The following INSL6 variants were observed in gnomAD, a reference collection of about 807,000 sequenced individuals.
The protein encoded by INSL6 is insulin like 6.
A neutral mutation model predicts 9.4 loss-of-function variants in INSL6; 16 were observed. The ratio of observed to expected loss-of-function variants is 1.70; its 90% CI spans 1.15 to 2.59. The LOEUF (loss-of-function observed/expected upper bound fraction) is 2.59. Among genes scored for constraint, INSL6 ranks in the 30% most tolerant of loss-of-function variants. The pLI is 0.00. For synonymous variants in INSL6, 154 were observed against 96.9 expected (o/e 1.59, Z -3.46); for missense variants, 391 against 257.3 (o/e 1.52, Z -3.56).
At chr9:5,135,916 GA>G (rs777722861) in intron 2 of INSL6, among the ~76,000 whole-genome samples, 1 of 151,782 alleles carries the variant, frequency 6.6e-6, no homozygotes, top group Non-Finnish European at 1.5e-5. Context: ...GAATCAAATA[GA>G]CTTAATAAAA....
chr9:5,076,970 C>T, the INSL6 span, among the ~76,000 whole-genome samples: 789 of 151,782 alleles, frequency 5.2e-3, 12 homozygotes, highest in African/African-American at 0.018. Flanking sequence ...GATAAAGCAG[C>T]GCAAAACATT....
the INSL6 span, among the ~76,000 whole-genome samples, chr9:5,090,185 A>C: frequency 6.6e-6 from 1 of 152,214 alleles, no homozygotes. Context: ...GGAGAAAGGA[A>C]GTTTTCTCAT....
At chr9:5,061,245 T>G in the INSL6 span, among the ~76,000 whole-genome samples, 3 of 152,256 alleles carry the variant, frequency 2.0e-5, no homozygotes, top group Non-Finnish European at 2.9e-5. Flanking sequence ...CATAGGCCCT[T>G]AGCAAGAGGG....
At chr9:4,993,286 T>C in the INSL6 span, among the ~76,000 whole-genome samples, 3 of 152,224 alleles carry the variant, frequency 2.0e-5, no homozygotes, top group Non-Finnish European at 2.9e-5. Context: ...GATTTAGATC[T>C]TAAGAAAGGA....
At chr9:5,014,923 T>A in the INSL6 span, among the ~76,000 whole-genome samples, 6 of 152,116 alleles carry the variant, frequency 3.9e-5, no homozygotes, top group East Asian at 5.8e-4. Flanking sequence ...CTTGATTTTT[T>A]ATTTTTTTTT....
the INSL6 span, among the ~76,000 whole-genome samples, chr9:5,083,904 A>G: frequency 2.0e-5 from 3 of 152,122 alleles, no homozygotes; most frequent in Non-Finnish European, 4.4e-5. Context: ...CAATAGTGAA[A>G]CCATTCTATA....
At chr9:5,007,885 G>T in the INSL6 span, among the ~76,000 whole-genome samples, 10 of 151,850 alleles carry the variant, frequency 6.6e-5, no homozygotes, top group Non-Finnish European at 1.0e-4. Context: ...GTGCCACCAC[G>T]CCTGGCTAAT....
At chr9:5,153,141 GTT>G (rs57869658) in intron 2 of INSL6, among the ~76,000 whole-genome samples, 11 of 146,974 alleles carry the variant, frequency 7.5e-5, no homozygotes, top group African/African-American at 2.7e-4. Flanking sequence ...GCTAGCTGCA[GTT>G]TTTTTTTTTT....
At chr9:5,110,818 A>G in the INSL6 span, 6 of 439,678 alleles carry the variant, frequency 1.4e-5, no homozygotes, top group African/African-American at 8.1e-5. Flanking sequence ...GCCCTGCTGC[A>G]TCGCCCGTTT....
the INSL6 span, chr9:5,110,933 T>C: frequency 1.7e-6 from 1 of 579,414 alleles, no homozygotes; most frequent in Non-Finnish European, 3.3e-6. Context: ...CCGCAGAGGA[T>C]GGCATCCGTG....
the INSL6 span, among the ~76,000 whole-genome samples, chr9:5,050,307 C>T: frequency 0.33 from 50,913 of 151,996 alleles, 9,095 homozygotes; most frequent in African/African-American, 0.46. Flanking sequence ...ATTTATTAAT[C>T]ATTTTAGAGA....
the INSL6 span, among the ~76,000 whole-genome samples, chr9:5,103,450 A>G: frequency 0.36 from 54,283 of 151,560 alleles, 10,519 homozygotes; most frequent in African/African-American, 0.53. Context: ...AAAGAGACTT[A>G]GACTCCCACA....
intron 2 of INSL6, among the ~76,000 whole-genome samples, chr9:5,141,874 C>G (rs1824507620): frequency 6.6e-6 from 1 of 152,126 alleles, no homozygotes; most frequent in Non-Finnish European, 1.5e-5. Flanking sequence ...AGTATTTAAT[C>G]CATTTTGTGT....
the INSL6 span, among the ~76,000 whole-genome samples, chr9:5,065,530 C>G: frequency 1.4e-4 from 22 of 152,260 alleles, no homozygotes; most frequent in East Asian, 3.5e-3. Flanking sequence ...AACACAGCAG[C>G]CACTAGCTAC....
At chr9:5,175,681 A>G (rs115964886) in intron 1 of INSL6, among the ~76,000 whole-genome samples, 2,177 of 152,222 alleles carry the variant, frequency 0.014, 43 homozygotes, top group African/African-American at 0.05. Context: ...CTCCTGTCAG[A>G]TCAGGGACAG....
At chr9:5,014,710 G>C in the INSL6 span, among the ~76,000 whole-genome samples, 1 of 152,120 alleles carries the variant, frequency 6.6e-6, no homozygotes, top group Non-Finnish European at 1.5e-5. Flanking sequence ...ATTTAGGAGG[G>C]AAAATCCTGT....
chr9:5,059,190 C>T, the INSL6 span, among the ~76,000 whole-genome samples: 26 of 152,300 alleles, frequency 1.7e-4, 1 homozygote, highest in East Asian at 5.0e-3. Flanking sequence ...GAATAGTTCT[C>T]TTACTCCTAG....
the INSL6 span, chr9:5,041,162 T>G: frequency 1.2e-5 from 14 of 1,203,746 alleles, no homozygotes; most frequent in Non-Finnish European, 1.6e-5. Context: ...GCGCATGGAT[T>G]ATGTGCACAC....
chr9:5,159,739 CCAGA>C (rs1415883483), downstream of INSL6, among the ~76,000 whole-genome samples: 2 of 152,206 alleles, frequency 1.3e-5, no homozygotes, highest in Admixed American at 1.3e-4. Flanking sequence ...AACAGATCAT[CCAGA>C]CAGAAAATCA....
Sources: gnomAD v4.1 joint callset for allele counts (sites outside exome capture counted in the v4.1 genomes callset) on GRCh38, gnomAD v4.1.1 for gene constraint, MANE v1.5 for transcripts, NCBI Gene and HGNC (gene_info 2026-07-23, HGNC 2026-07-21) for gene names.